Variants in ZFHX3 observed in about 807,000 individuals in gnomAD.
ZFHX3 encodes zinc finger homeobox 3.
In ZFHX3, 42 loss-of-function variants were observed where a neutral mutation model predicts 279.1. The ratio of observed to expected loss-of-function variants is 0.15; its 90% confidence interval spans 0.12 to 0.19. ZFHX3 has a LOEUF of 0.19. ZFHX3 is among the 10% of genes least tolerant of loss of function. The probability of loss-of-function intolerance (pLI) is 1.00; values close to 1 mark genes in which losing one functional copy is unlikely to be tolerated. For synonymous variants in ZFHX3, 2,293 were observed against 1,957.8 expected, an observed-to-expected ratio of 1.17 and a Z score of -4.52; for missense variants, 4,981 against 4,754.0, an observed-to-expected ratio of 1.05 and a Z score of -1.40.
chr16:73,224,587 C>T (rs1332981148), intron 5 of ZFHX3, among the ~76,000 whole-genome samples: 1 of 152,262 alleles, frequency 6.6e-6, no homozygotes, highest in East Asian at 1.9e-4. Context: ...AGAGATTTTG[C>T]AGAAACGTGG....
intron 1 of ZFHX3, among the ~76,000 whole-genome samples, chr16:73,764,750 T>G (rs902554372): frequency 6.6e-6 from 1 of 152,210 alleles, no homozygotes; most frequent in African/African-American, 2.4e-5. Context: ...ACAGCCTTTG[T>G]AATACTGCCA....
intron 7 of ZFHX3, chr16:73,126,824 C>G (rs1390034655): frequency 2.6e-5 from 4 of 152,358 alleles, no homozygotes; most frequent in African/African-American, 9.7e-5. Context: ...AGCGACAATC[C>G]TGCCTCCGCA....
chr16:73,629,677 G>C (rs2052450008), intron 2 of ZFHX3, among the ~76,000 whole-genome samples: 1 of 151,936 alleles, frequency 6.6e-6, no homozygotes, highest in Non-Finnish European at 1.5e-5. Context: ...GAAAAAGAAA[G>C]GAGGAAAAAA....
At chr16:73,291,093 C>T (rs1290677034) in intron 4 of ZFHX3, among the ~76,000 whole-genome samples, 1 of 152,186 alleles carries the variant, frequency 6.6e-6, no homozygotes, top group Non-Finnish European at 1.5e-5. Flanking sequence ...CAACTAAACC[C>T]CACAGCACAG....
At chr16:73,021,895 A>G (rs1037655966) in intron 1 of ZFHX3, among the ~76,000 whole-genome samples, 2 of 151,672 alleles carry the variant, frequency 1.3e-5, no homozygotes, top group African/African-American at 4.8e-5. Context: ...ACACACAGAA[A>G]TGCACACAAG....
rs147783276 is a variant in ZFHX3, at chr16:72,788,062, G to C, written c.10214C>G (p.Pro3405Arg). The C allele has an allele frequency of 3.0e-5, 48 of 1,611,808 alleles. No individual in the cohort carries two copies. Among genetic ancestry groups the C allele is most frequent in the Non-Finnish European group, 3.7e-5 (44 of 1,179,818 alleles). ...GTCTTTGTCTGGGGAAGGAGCCCCG[G>C]GGGGGACTGGGGTTTGGCTTGCTTT... is the stretch of plus-strand genomic sequence containing the variant. ...QPKASQTPVP[P>R]GAPSPDKDPA... The change falls in exon 10 of 10, where the codon CCC becomes CGC. Residue 3405 changes from proline to arginine, a missense_variant. Transcript: ENST00000268489.
chr16:73,159,695 A>G (rs1967179594), intron 5 of ZFHX3, among the ~76,000 whole-genome samples: 1 of 152,316 alleles, frequency 6.6e-6, no homozygotes, highest in African/African-American at 2.4e-5. Context: ...CTTTGTTATT[A>G]TGGCAAAAGC....
At chr16:73,713,186 AG>A (rs1397560695) in intron 1 of ZFHX3, among the ~76,000 whole-genome samples, 1 of 152,240 alleles carries the variant, frequency 6.6e-6, no homozygotes, top group African/African-American at 2.4e-5. Flanking sequence ...ATGCCTTCAA[AG>A]AACTGATTTC....
intron 5 of ZFHX3, among the ~76,000 whole-genome samples, chr16:72,820,388 T>G (rs536016356): frequency 6.6e-6 from 1 of 152,300 alleles, no homozygotes; most frequent in East Asian, 1.9e-4. Context: ...ACATTTCAAT[T>G]TCAAGACACC....
intron 1 of ZFHX3, among the ~76,000 whole-genome samples, chr16:73,776,062 G>T (rs1767743622): frequency 6.6e-6 from 1 of 152,180 alleles, no homozygotes; most frequent in Non-Finnish European, 1.5e-5. Flanking sequence ...ACAAGAGAGG[G>T]TCATAAAACT....
At chr16:73,210,387 AAGAC>A (rs2011968819) in intron 5 of ZFHX3, among the ~76,000 whole-genome samples, 1 of 152,172 alleles carries the variant, frequency 6.6e-6, no homozygotes, top group Non-Finnish European at 1.5e-5. Flanking sequence ...CTGCAATTCA[AAGAC>A]AGTTTGAAAA....
chr16:73,804,912 AG>A lies in ZFHX3; in HGVS notation c.-1608+86738del, dbSNP rs142806232. On this transcript the variant is annotated intron_variant, in intron 1 of 17. Coordinates refer to the ZFHX3 transcript ENST00000641206. Reference sequence around the variant, plus strand: ...ACACCAAAGAGGGAGGGAGGGAGGGAGGGGAGGGAGAGGGAGGGAGGGAGAG... The same window carrying A: ...ACACCAAAGAGGGAGGGAGGGAGGGAGGGAGGGAGAGGGAGGGAGGGAGAG... Among the ~76,000 whole-genome samples the A allele has an allele frequency of 7.9e-3, 594 of 75,566 alleles. 4 individuals are homozygous for A. Among genetic ancestry groups the A allele is most frequent in the African/African-American group, 0.03 (549 of 18,096 alleles). The allele number at this position is 75,566 out of a possible 152,430, so 49.6% of individuals were successfully genotyped here.
intron 2 of ZFHX3, among the ~76,000 whole-genome samples, chr16:73,635,151 A>G (rs780501276): frequency 1.3e-5 from 2 of 152,188 alleles, no homozygotes; most frequent in African/African-American, 4.8e-5. Context: ...TATTTTTCCT[A>G]GGTAATCTTG....
intron 3 of ZFHX3, among the ~76,000 whole-genome samples, chr16:73,440,246 G>C (rs1007869792): frequency 1.3e-5 from 2 of 152,104 alleles, no homozygotes; most frequent in Non-Finnish European, 2.9e-5. Context: ...TAAACTGAAA[G>C]TCTCAACAAT....
At chr16:73,189,152 G>A (rs770865904) in intron 5 of ZFHX3, among the ~76,000 whole-genome samples, 16 of 152,152 alleles carry the variant, frequency 1.1e-4, no homozygotes, top group African/African-American at 2.9e-4. Context: ...ATGAGCCACC[G>A]CGCCCGCCCA....
At chr16:73,516,224 A>G (rs1259005790) in intron 2 of ZFHX3, among the ~76,000 whole-genome samples, 1 of 152,226 alleles carries the variant, frequency 6.6e-6, no homozygotes, top group Non-Finnish European at 1.5e-5. Context: ...CGCCTCTTAG[A>G]GTTGGGGCTG....
intron 7 of ZFHX3, among the ~76,000 whole-genome samples, chr16:72,805,148 T>G (rs1312625968): frequency 1.3e-5 from 2 of 151,954 alleles, no homozygotes; most frequent in East Asian, 3.9e-4. Flanking sequence ...CAGCTATTTT[T>G]TTTTTGTACT....
At chr16:73,596,075 C>T (rs1181696233) in intron 2 of ZFHX3, among the ~76,000 whole-genome samples, 1 of 151,384 alleles carries the variant, frequency 6.6e-6, no homozygotes, top group African/African-American at 2.4e-5. Flanking sequence ...GGCTGGAGTG[C>T]AGTGGTGCAA....
At chr16:73,837,224 T>C (rs1488908874) in intron 1 of ZFHX3, among the ~76,000 whole-genome samples, 1 of 152,198 alleles carries the variant, frequency 6.6e-6, no homozygotes, top group Non-Finnish European at 1.5e-5. Context: ...ATTAACAAGT[T>C]AGAACTAAAC....
Sources: allele counts gnomAD v4.1 joint callset (sites outside exome capture counted in the v4.1 genomes callset), GRCh38; gene constraint gnomAD v4.1.1; transcripts MANE v1.5; gene names NCBI Gene and HGNC (gene_info 2026-07-23, HGNC 2026-07-21).